IL23R: variants seen among roughly 807,000 people sequenced by gnomAD.
IL23R encodes interleukin-23 receptor.
In IL23R, 34 loss-of-function variants were observed where a neutral mutation model predicts 56.9. The observed-to-expected ratio is 0.60, with a 90% CI of 0.45 to 0.80. The LOEUF is 0.80. IL23R is among the 30% of genes least tolerant of loss of function. The pLI, the probability that IL23R is intolerant of heterozygous loss-of-function variation, is 0.00. For missense variants in IL23R, 635 were observed against 730.0 expected (o/e 0.87, Z 1.50); for synonymous variants, 230 against 249.2 (o/e 0.92, Z 0.73).
intron 3 of IL23R, among the ~76,000 whole-genome samples, chr1:67,181,044 T>C (rs549642840): frequency 0.021 from 3,201 of 152,254 alleles, 96 homozygotes; most frequent in African/African-American, 0.073. Flanking sequence ...TCTCTGGCTG[T>C]GCTTAACATT....
At chr1:67,210,109 G>A (rs1468936894) in intron 6 of IL23R, among the ~76,000 whole-genome samples, 1 of 152,148 alleles carries the variant, frequency 6.6e-6, no homozygotes, top group Non-Finnish European at 1.5e-5. Context: ...CTGAGTCTTA[G>A]GTGAGCTTAA....
chr1:67,207,899 T>C (rs1350266083), intron 6 of IL23R, among the ~76,000 whole-genome samples: 2 of 152,036 alleles, frequency 1.3e-5, no homozygotes, highest in Non-Finnish European at 2.9e-5. Context: ...GACAGGAAAA[T>C]GTGGGAAATT....
At chr1:67,151,755 G>T (rs1336645123) in intron 1 of IL23R, among the ~76,000 whole-genome samples, 1 of 152,140 alleles carries the variant, frequency 6.6e-6, no homozygotes, top group African/African-American at 2.4e-5. Context: ...AAGATCAGAT[G>T]GTTGTAGATA....
intron 3 of IL23R, among the ~76,000 whole-genome samples, chr1:67,174,755 G>C (rs1646987170): frequency 6.6e-6 from 1 of 151,938 alleles, no homozygotes. Context: ...GGTTTCATAG[G>C]CTTTAGAGGC....
At chr1:67,147,058 ATT>A (rs143373276) in intron 1 of IL23R, among the ~76,000 whole-genome samples, 3 of 150,582 alleles carry the variant, frequency 2.0e-5, no homozygotes, top group African/African-American at 7.3e-5. Context: ...CTTCTCTGAG[ATT>A]TTTTTTTTCT....
intron 4 of IL23R, among the ~76,000 whole-genome samples, chr1:67,187,187 C>T (rs1408212109): frequency 6.6e-6 from 1 of 152,218 alleles, no homozygotes; most frequent in Non-Finnish European, 1.5e-5. Context: ...CACCATTTTA[C>T]ATTCCCAACA....
chr1:67,242,226 A>G (rs1379759255), intron 9 of IL23R, among the ~76,000 whole-genome samples: 2 of 152,174 alleles, frequency 1.3e-5, no homozygotes, highest in Non-Finnish European at 2.9e-5. Context: ...GAATGAATCA[A>G]TGTTCTGTTT....
intron 5 of IL23R, among the ~76,000 whole-genome samples, chr1:67,201,915 G>A (rs1423448437): frequency 6.6e-6 from 1 of 151,762 alleles, no homozygotes; most frequent in Non-Finnish European, 1.5e-5. Flanking sequence ...CCTATTGTTG[G>A]AGATTAACAC....
At chr1:67,195,890 T>G (rs1648110034) in intron 4 of IL23R, among the ~76,000 whole-genome samples, 1 of 152,224 alleles carries the variant, frequency 6.6e-6, no homozygotes. Flanking sequence ...TCCTTTTCTC[T>G]GCGTCTCAGC....
At chr1:67,223,324 C>A (rs1208474396) in intron 7 of IL23R, among the ~76,000 whole-genome samples, 1 of 152,030 alleles carries the variant, frequency 6.6e-6, no homozygotes, top group Non-Finnish European at 1.5e-5. Context: ...AATAGGAACA[C>A]CACAGTTTAA....
chr1:67,221,215 G>A (rs1255075535), intron 7 of IL23R, among the ~76,000 whole-genome samples: 2 of 152,066 alleles, frequency 1.3e-5, no homozygotes, highest in East Asian at 3.9e-4. Context: ...CAGCTATTCA[G>A]GAGTCTGAGG....
At chr1:67,147,320 C>A (rs886845665) in intron 1 of IL23R, among the ~76,000 whole-genome samples, 1 of 152,144 alleles carries the variant, frequency 6.6e-6, no homozygotes, top group African/African-American at 2.4e-5. Flanking sequence ...CATTTTTTCA[C>A]ATAGTGAGTT....
intron 3 of IL23R, 134 bp from the exon 4 acceptor site, chr1:67,182,702 A>C (rs1647167336): frequency 1.1e-6 from 1 of 912,630 alleles, no homozygotes; most frequent in African/African-American, 1.6e-5. Context: ...TTGGAAATGA[A>C]GAAATCGTTC....
intron 4 of IL23R, among the ~76,000 whole-genome samples, chr1:67,186,606 T>G (rs1323168689): frequency 1.3e-5 from 2 of 152,230 alleles, no homozygotes; most frequent in African/African-American, 4.8e-5. Context: ...CTTTTGTGAC[T>G]GGCTTCTTTC....
intron 5 of IL23R, among the ~76,000 whole-genome samples, chr1:67,203,747 G>C (rs1044074115): frequency 2.8e-4 from 43 of 152,178 alleles, no homozygotes; most frequent in African/African-American, 9.4e-4. Flanking sequence ...ACTGTCCTGG[G>C]AACAATTTCC....
At chr1:67,216,724 TCTTAA>T in intron 6 of IL23R, among the ~76,000 whole-genome samples, 1 of 152,176 alleles carries the variant, frequency 6.6e-6, no homozygotes, top group East Asian at 1.9e-4. Context: ...AGAAAACCAT[TCTTAA>T]CTTAGGCTGC....
At chr1:67,139,946 G>C (rs1646620532) in intron 1 of IL23R, among the ~76,000 whole-genome samples, 1 of 152,070 alleles carries the variant, frequency 6.6e-6, no homozygotes, top group Non-Finnish European at 1.5e-5. Flanking sequence ...GAGTGGGATT[G>C]GTGGTTTTAT....
chr1:67,169,138 C>CAAAA (rs5774855), intron 2 of IL23R, among the ~76,000 whole-genome samples: 8 of 81,300 alleles, frequency 9.8e-5, no homozygotes, highest in South Asian at 4.7e-4. Flanking sequence ...GAGACTGTCT[C>CAAAA]AAAAAAAAAA....
At chr1:67,144,417 G>T (rs924998545) in intron 1 of IL23R, among the ~76,000 whole-genome samples, 1 of 152,118 alleles carries the variant, frequency 6.6e-6, no homozygotes, top group East Asian at 1.9e-4. Context: ...TAATTCAAAT[G>T]TTGACAAAAA....
Sources: allele counts gnomAD v4.1 joint callset (sites outside exome capture counted in the v4.1 genomes callset), GRCh38; gene constraint gnomAD v4.1.1; transcripts MANE v1.5; gene names NCBI Gene and HGNC (gene_info 2026-07-23, HGNC 2026-07-21).